MBD2: variants seen among roughly 807,000 people sequenced by gnomAD.
The protein encoded by MBD2 is methyl-CpG binding domain protein 2.
In MBD2, 9 loss-of-function variants were observed where a neutral mutation model predicts 39.3. That is an observed-to-expected ratio of 0.23 (90% CI 0.14 to 0.40). The LOEUF is 0.40. MBD2 is among the 10% of genes least tolerant of loss of function. The pLI is 1.00. For synonymous variants in MBD2, 233 were observed against 211.1 expected (o/e 1.10, Z -0.90); for missense variants, 458 against 532.6 (o/e 0.86, Z 1.38).
chr18:54,197,384 C>A (rs1033007779), intron 2 of MBD2, among the ~76,000 whole-genome samples: 1 of 152,234 alleles, frequency 6.6e-6, no homozygotes, highest in African/African-American at 2.4e-5. Context: ...CTCCTCCACT[C>A]CCTAAGCTCC....
chr18:54,173,423 G>T (rs2144292547), intron 3 of MBD2, among the ~76,000 whole-genome samples: 1 of 152,314 alleles, frequency 6.6e-6, no homozygotes, highest in South Asian at 2.1e-4. Context: ...AACTGCACAG[G>T]TCACATGTCC....
intron 1 of MBD2, among the ~76,000 whole-genome samples, chr18:54,220,735 G>T (rs2086604451): frequency 6.6e-6 from 1 of 152,250 alleles, no homozygotes; most frequent in Non-Finnish European, 1.5e-5. Flanking sequence ...ATGTAAAGCA[G>T]TGACACTGTA....
intron 3 of MBD2, among the ~76,000 whole-genome samples, chr18:54,170,306 G>A (rs1352313856): frequency 6.6e-6 from 1 of 152,162 alleles, no homozygotes; most frequent in Non-Finnish European, 1.5e-5. Context: ...ATGAACCCAC[G>A]ATAGCATTTT....
At chr18:54,168,591 A>T (rs954897780) in intron 3 of MBD2, among the ~76,000 whole-genome samples, 3 of 139,794 alleles carry the variant, frequency 2.1e-5, no homozygotes, top group Admixed American at 1.4e-4. Context: ...ATATATATAT[A>T]TATATATTTA....
At chr18:54,199,390 C>T (rs1159498949) in intron 2 of MBD2, among the ~76,000 whole-genome samples, 1 of 152,128 alleles carries the variant, frequency 6.6e-6, no homozygotes, top group Non-Finnish European at 1.5e-5. Flanking sequence ...TCTGGAAGGT[C>T]CTCTTACTCT....
chr18:54,212,135 T>A (rs565824158), intron 1 of MBD2, among the ~76,000 whole-genome samples: 3 of 152,190 alleles, frequency 2.0e-5, no homozygotes, highest in African/African-American at 7.2e-5. Flanking sequence ...TCCAGCCATA[T>A]TGGTTTAATC....
At chr18:54,218,705 G>A (rs2086583258) in intron 1 of MBD2, among the ~76,000 whole-genome samples, 2 of 152,342 alleles carry the variant, frequency 1.3e-5, no homozygotes, top group South Asian at 2.1e-4. Context: ...GCTCACGCCT[G>A]TAATCCTAGC....
chr18:54,189,973 G>T (rs1418061370), intron 2 of MBD2, among the ~76,000 whole-genome samples: 2 of 152,044 alleles, frequency 1.3e-5, no homozygotes, highest in Admixed American at 6.6e-5. Context: ...TACCAATCAG[G>T]ATAGCAATCA....
chr18:54,160,318 G>A (rs2086086585), intron 5 of MBD2, among the ~76,000 whole-genome samples: 1 of 152,206 alleles, frequency 6.6e-6, no homozygotes, highest in Non-Finnish European at 1.5e-5. Flanking sequence ...AAAGATGGAG[G>A]AAGCAGAGGC....
At chr18:54,206,374 T>A (rs1026103293) in intron 1 of MBD2, among the ~76,000 whole-genome samples, 1 of 152,222 alleles carries the variant, frequency 6.6e-6, no homozygotes, top group African/African-American at 2.4e-5. Flanking sequence ...ATAAATGTGC[T>A]AGAACAAAGT....
chr18:54,214,160 C>CAT (rs1429645491), intron 1 of MBD2, among the ~76,000 whole-genome samples: 26 of 151,010 alleles, frequency 1.7e-4, no homozygotes, highest in Middle Eastern at 3.4e-3. Context: ...ACATACTATA[C>CAT]ATATATATAT....
intron 3 of MBD2, among the ~76,000 whole-genome samples, chr18:54,183,370 A>C (rs1181742791): frequency 6.6e-6 from 1 of 152,226 alleles, no homozygotes; most frequent in African/African-American, 2.4e-5. Context: ...GTTTACATAC[A>C]AAAAAGAATG....
chr18:54,172,343 G>T (rs1032746545), intron 3 of MBD2, among the ~76,000 whole-genome samples: 13 of 151,834 alleles, frequency 8.6e-5, no homozygotes, highest in Admixed American at 6.6e-4. Context: ...ACATGAAATT[G>T]TTATTTGGTG....
Position 54,224,278 on chromosome 18 carries a change from G to GCGGCCC in MBD2, c.276_281dup (p.Gly95_Arg96dup), listed in dbSNP as rs1192209202. On this transcript the variant is annotated inframe_insertion, in exon 1 of 7. Transcript: ENST00000256429. The stretch of plus-strand genomic sequence containing the variant: ...CGCTGCCGCCACTCGGGGGACGGCC[G>GCGGCCC]CGGCCCCGGCCCCGGCCCCGTCCCC... The GCGGCCC allele has an allele frequency of 7.5e-5, 71 of 942,262 alleles. No individual in the cohort carries two copies. The highest frequency in any genetic ancestry group is 5.4e-4 in the Middle Eastern group (1 of 1,850). The allele number at this position is 942,262 out of a possible 1,614,324, so 58.4% of individuals were successfully genotyped here.
At chr18:54,197,663 C>A (rs2086376674) in intron 2 of MBD2, among the ~76,000 whole-genome samples, 1 of 152,218 alleles carries the variant, frequency 6.6e-6, no homozygotes. Context: ...CACGACTCAT[C>A]AGCAAAACCA....
At chr18:54,168,099 G>A (rs1454601607) in intron 3 of MBD2, among the ~76,000 whole-genome samples, 2 of 150,728 alleles carry the variant, frequency 1.3e-5, no homozygotes, top group Non-Finnish European at 3.0e-5. Flanking sequence ...AATTATAAAA[G>A]CACTTATTAA....
chr18:54,170,028 T>C (rs1374380511), intron 3 of MBD2, among the ~76,000 whole-genome samples: 1 of 152,164 alleles, frequency 6.6e-6, no homozygotes, highest in African/African-American at 2.4e-5. Context: ...GGGAGAAACA[T>C]GGGATGGAAT....
intron 2 of MBD2, among the ~76,000 whole-genome samples, chr18:54,191,330 C>T (rs1311510276): frequency 6.6e-6 from 1 of 152,198 alleles, no homozygotes; most frequent in Non-Finnish European, 1.5e-5. Flanking sequence ...AAACACAGCT[C>T]TAAAACAAAG....
chr18:54,214,515 T>G lies in MBD2; in HGVS notation c.543-9358A>C, dbSNP rs371443198. ...TACCTGACCTATGCATAATATTTTT[T>G]TAAAACTCTGAGGAACCTTTATAAC... On this transcript the variant is annotated intron_variant, in intron 1 of 6. Transcript: ENST00000256429. Among the ~76,000 whole-genome samples the G allele has an allele frequency of 1.3e-3, 195 of 152,228 alleles. 4 individuals are homozygous for G. In the South Asian group the frequency reaches 0.039, roughly 30 times the overall value.
Sources: allele counts gnomAD v4.1 joint callset (sites outside exome capture counted in the v4.1 genomes callset), GRCh38; gene constraint gnomAD v4.1.1; transcripts MANE v1.5; gene names NCBI Gene and HGNC (gene_info 2026-07-23, HGNC 2026-07-21).